Variants in WDR7 observed in about 807,000 individuals in gnomAD.
WDR7 encodes the protein WD repeat domain 7, also known as WD repeat-containing protein 7.
Under a neutral mutation model 169.4 loss-of-function variants are expected in WDR7, and 46 were observed. The ratio of observed to expected loss-of-function variants is 0.27; its 90% CI spans 0.21 to 0.35. The LOEUF (loss-of-function observed/expected upper bound fraction) is 0.35. WDR7 is among the 10% of genes least tolerant of loss of function. WDR7 has a pLI of 1.00. For missense variants in WDR7, 1,534 were observed against 1,859.3 expected (o/e 0.83, Z 3.22); for synonymous variants, 612 against 666.8 (o/e 0.92, Z 1.27).
At chr18:56,994,326 T>A (rs910210211) in intron 26 of WDR7, among the ~76,000 whole-genome samples, 4 of 152,258 alleles carry the variant, frequency 2.6e-5, no homozygotes, top group African/African-American at 9.6e-5. Flanking sequence ...ACCAGCCCAT[T>A]CATTACTATT....
At chr18:56,946,723 G>A (rs1034461545) in intron 25 of WDR7, among the ~76,000 whole-genome samples, 1 of 152,024 alleles carries the variant, frequency 6.6e-6, no homozygotes, top group Non-Finnish European at 1.5e-5. Context: ...ACATATATGT[G>A]TGTGTGTATA....
rs12969633 is a variant in WDR7, at chr18:56,703,562, C to T, written c.1578+7100C>T. 3.0e-3 allele frequency among the ~76,000 whole-genome samples: 450 copies of T among 152,212 alleles called. 1 individual carries two copies. The highest frequency in any genetic ancestry group is 0.017 in the East Asian group (86 of 5,184). On this transcript the variant is annotated intron_variant, in intron 12 of 27. Transcript: ENST00000254442. ...ATACAATGTACATAATGTTCTGTGT[C>T]ATCCTTTTTCCTTTAACACTTAATT...
Position 56,771,411 on chromosome 18 carries a change from A to G in WDR7, c.2849-5371A>G, listed in dbSNP as rs74880622. ...GAGGATGATGAAGATTGGTTAGGAG[A>G]TGTGTGTTTCTTAAAAATGTGTAGG... is the stretch of plus-strand genomic sequence containing the variant. On this transcript the variant is annotated intron_variant, in intron 16 of 27. Coordinates refer to ENST00000254442, the MANE Select transcript of WDR7 (RefSeq NM_015285.3). Among the ~76,000 whole-genome samples, 854 of 152,102 alleles carry G rather than the reference A, an allele frequency of 5.6e-3. 6 individuals are homozygous for G. The highest frequency in any genetic ancestry group is 0.02 in the African/African-American group (809 of 41,476).
chr18:56,857,359 C>T (rs968384958), intron 20 of WDR7, among the ~76,000 whole-genome samples: 3 of 151,996 alleles, frequency 2.0e-5, no homozygotes, highest in Non-Finnish European at 2.9e-5. Flanking sequence ...TCCTGGCTCA[C>T]GCGATCCTTC....
intron 20 of WDR7, among the ~76,000 whole-genome samples, chr18:56,865,343 T>A (rs1340826063): frequency 2.0e-5 from 3 of 152,150 alleles, no homozygotes; most frequent in Admixed American, 6.6e-5. Context: ...CAGTGCTGTA[T>A]TGATTTCATT....
chr18:56,988,544 T>G (rs977010953), intron 26 of WDR7, among the ~76,000 whole-genome samples: 2 of 151,902 alleles, frequency 1.3e-5, no homozygotes, highest in Admixed American at 1.3e-4. Flanking sequence ...TATAAATTTA[T>G]TTTTTAAAGG....
intron 12 of WDR7, among the ~76,000 whole-genome samples, chr18:56,705,677 A>G (rs1159921362): frequency 6.6e-6 from 1 of 152,136 alleles, no homozygotes; most frequent in African/African-American, 2.4e-5. Context: ...GGATCCTGGC[A>G]GGAATTGGAC....
At chr18:56,725,531 T>A (rs573851327) in intron 13 of WDR7, among the ~76,000 whole-genome samples, 1 of 152,362 alleles carries the variant, frequency 6.6e-6, no homozygotes, top group South Asian at 2.1e-4. Flanking sequence ...TTGTTGGAGT[T>A]CATTGTAGAT....
intron 26 of WDR7, among the ~76,000 whole-genome samples, chr18:56,964,005 G>A (rs1315408301): frequency 6.6e-6 from 1 of 151,560 alleles, no homozygotes; most frequent in Non-Finnish European, 1.5e-5. Flanking sequence ...ATCACAGAGA[G>A]GACTCTTTGT....
At chr18:56,765,330 C>T (rs2044045185) in intron 16 of WDR7, among the ~76,000 whole-genome samples, 1 of 151,928 alleles carries the variant, frequency 6.6e-6, no homozygotes, top group African/African-American at 2.4e-5. Flanking sequence ...TCTTTTTCTG[C>T]TGTCTTTTAG....
intron 17 of WDR7, among the ~76,000 whole-genome samples, chr18:56,779,075 A>ATG (rs2044280694): frequency 2.0e-5 from 3 of 152,192 alleles, no homozygotes; most frequent in Non-Finnish European, 4.4e-5. Context: ...TTTCAAATCT[A>ATG]TAGCTCTAGT....
chr18:56,685,967 G>A lies in WDR7; in HGVS notation c.532G>A (p.Val178Ile), dbSNP rs1232742908. The A allele has an allele frequency of 3.1e-6, 5 of 1,604,564 alleles. No individual in the cohort carries two copies. In the African/African-American group the frequency reaches 5.4e-5, roughly 17 times the overall value. ...CCTTCTCATTTTAGAGGACACAGTG[G>A]TAGCACTCTCGGTGACTGGCATCCT... ...RSHRTQEDTV[V>I]ALSVTGILKV... is the part of the protein sequence containing the mutation. Residue 178 changes from valine to isoleucine, a missense_variant, in exon 6 of 28, where the codon GTA (valine) becomes ATA (isoleucine). Transcript: ENST00000254442.
At chr18:56,696,803 A>C (rs1027774145) in intron 12 of WDR7, among the ~76,000 whole-genome samples, 2 of 152,204 alleles carry the variant, frequency 1.3e-5, no homozygotes, top group Non-Finnish European at 2.9e-5. Context: ...GACATTGTAC[A>C]ATCTCATTAT....
chr18:56,830,852 A>C (rs767713443), intron 20 of WDR7, among the ~76,000 whole-genome samples: 20 of 152,304 alleles, frequency 1.3e-4, no homozygotes, highest in South Asian at 4.1e-4. Flanking sequence ...GATTATAAGC[A>C]CTGTGCCACC....
chr18:56,719,900 T>C (rs1299281282), intron 13 of WDR7, among the ~76,000 whole-genome samples: 1 of 152,178 alleles, frequency 6.6e-6, no homozygotes, highest in African/African-American at 2.4e-5. Context: ...TTCCCTGGCA[T>C]GTGGTAAACA....
Position 56,682,714 on chromosome 18 carries a change from A to G in WDR7, c.381A>G (p.Gly127=). Residue 127 remains glycine (G), a synonymous_variant, in exon 5 of 28, where the codon GGA becomes GGG. Transcript: ENST00000254442. ...YQFSVGNQRE[G]RLLCHGHYPE... ...TCTCTGTTGGGAATCAGCGAGAAGG[A>G]AGGCTTTTATGCCACGGACATTACC... 1 of 1,613,700 alleles carries G rather than the reference A, an allele frequency of 6.2e-7. No homozygotes were observed. The highest frequency in any genetic ancestry group is 1.1e-5 in the South Asian group (1 of 91,054).
rs202011648 is a variant in WDR7 at position 56,879,752 on chromosome 18, G to GT, written c.3305-183dup. On this transcript the variant is annotated intron_variant, in intron 20 of 27. Transcript: ENST00000254442. Reference sequence around the variant, plus strand: ...ATTTAGGATTATGATCAATTTTCAGGTTTTTTTTTGGAAGGTTAGAGATAG... The same window carrying GT: ...ATTTAGGATTATGATCAATTTTCAGGTTTTTTTTTTGGAAGGTTAGAGATAG... 8.7e-4 allele frequency among the ~76,000 whole-genome samples: 131 copies of GT among 150,976 alleles called. 1 individual carries two copies. Among genetic ancestry groups the GT allele is most frequent in the Admixed American group, 4.0e-3 (61 of 15,126 alleles).
At chr18:56,703,448 A>G (rs1398311102) in intron 12 of WDR7, among the ~76,000 whole-genome samples, 7 of 152,218 alleles carry the variant, frequency 4.6e-5, no homozygotes, top group Non-Finnish European at 7.3e-5. Flanking sequence ...GTCTATACCT[A>G]TAGCTTAATA....
chr18:57,001,029 G>A (rs1233770888), intron 26 of WDR7, among the ~76,000 whole-genome samples: 1 of 150,018 alleles, frequency 6.7e-6, no homozygotes, highest in African/African-American at 2.5e-5. Context: ...GTAAAACCAT[G>A]AGACCCCATC....
Sources: allele counts gnomAD v4.1 joint callset (sites outside exome capture counted in the v4.1 genomes callset), GRCh38; gene constraint gnomAD v4.1.1; transcripts MANE v1.5; gene names NCBI Gene and HGNC (gene_info 2026-07-23, HGNC 2026-07-21).